PARD3: variants seen among roughly 807,000 people sequenced by gnomAD.
PARD3 encodes par-3 family cell polarity regulator, also known as partitioning defective 3 homolog.
A neutral mutation model predicts 155.4 loss-of-function variants in PARD3; 75 were observed. That is an observed-to-expected ratio of 0.48 (90% CI 0.40 to 0.58). The LOEUF (loss-of-function observed/expected upper bound fraction) is 0.58. Ranked by LOEUF, PARD3 falls within the 20% of genes least tolerant of loss-of-function variation. The pLI is 0.00. For missense variants in PARD3, 1,642 were observed against 1,721.7 expected, an observed-to-expected ratio of 0.95 and a Z score of 0.82; for synonymous variants, 576 against 610.5, an observed-to-expected ratio of 0.94 and a Z score of 0.83.
At chr10:34,409,728 G>T (rs1463931236) in intron 5 of PARD3, among the ~76,000 whole-genome samples, 2 of 152,010 alleles carry the variant, frequency 1.3e-5, no homozygotes, top group African/African-American at 4.8e-5. Flanking sequence ...TTTCAGAAGT[G>T]GCTTGCTTAC....
intron 5 of PARD3, among the ~76,000 whole-genome samples, chr10:34,412,640 T>C (rs12267294): frequency 0.11 from 16,274 of 152,242 alleles, 1,366 homozygotes; most frequent in African/African-American, 0.24. Flanking sequence ...ATCGTTTCAT[T>C]AGATTTAATA....
At chr10:34,439,680 C>T (rs531440012) in intron 5 of PARD3, among the ~76,000 whole-genome samples, 2 of 151,982 alleles carry the variant, frequency 1.3e-5, no homozygotes, top group Admixed American at 6.5e-5. Flanking sequence ...TGGTCTCAAA[C>T]GCCTGACCTC....
chr10:34,440,365 G>A (rs1339038856), intron 5 of PARD3, among the ~76,000 whole-genome samples: 1 of 152,138 alleles, frequency 6.6e-6, no homozygotes, highest in East Asian at 1.9e-4. Flanking sequence ...AGATGGGTGG[G>A]AATAAAGAGA....
At chr10:34,432,643 G>C (rs1324324266) in intron 5 of PARD3, among the ~76,000 whole-genome samples, 1 of 152,134 alleles carries the variant, frequency 6.6e-6, no homozygotes, top group Non-Finnish European at 1.5e-5. Context: ...AGAACTGGCA[G>C]TTTCAAGTCA....
At chr10:34,227,605 G>A (rs544403999) in intron 22 of PARD3, among the ~76,000 whole-genome samples, 8 of 152,072 alleles carry the variant, frequency 5.3e-5, no homozygotes, top group Admixed American at 1.3e-4. Context: ...GCCATTGCAC[G>A]CCAGCCTGGG....
At chr10:34,116,405 C>T (rs779175589) in intron 24 of PARD3, among the ~76,000 whole-genome samples, 12 of 152,180 alleles carry the variant, frequency 7.9e-5, no homozygotes, top group Admixed American at 3.3e-4. Context: ...TGTCAACATC[C>T]GAAAAGCAGA....
chr10:34,430,593 C>T (rs1316200306), intron 5 of PARD3, among the ~76,000 whole-genome samples: 2 of 152,140 alleles, frequency 1.3e-5, no homozygotes, highest in African/African-American at 2.4e-5. Context: ...TCCATGAAAT[C>T]GGTTCTATCA....
At chr10:34,202,027 G>A (rs916129558) in intron 22 of PARD3, 7 of 152,136 alleles carry the variant, frequency 4.6e-5, no homozygotes, top group Non-Finnish European at 2.9e-5. Context: ...CAACTTTTGT[G>A]ACACTAACAT....
At chr10:34,573,730 AACAAAAACACACACACACAC>A (rs1331087969) in intron 2 of PARD3, among the ~76,000 whole-genome samples, 22 of 36,346 alleles carry the variant, frequency 6.1e-4, no homozygotes, top group African/African-American at 1.9e-3. Context: ...CAAACAAACA[AACAAAAACACACACACACAC>A]ACACACACAC....
At chr10:34,350,657 A>C in intron 14 of PARD3, among the ~76,000 whole-genome samples, 1 of 151,606 alleles carries the variant, frequency 6.6e-6, no homozygotes, top group African/African-American at 2.4e-5. Flanking sequence ...GGGTGGTAGA[A>C]TTAAGCTTCA....
intron 20 of PARD3, among the ~76,000 whole-genome samples, chr10:34,307,243 C>T (rs908867139): frequency 3.3e-5 from 5 of 152,204 alleles, no homozygotes; most frequent in African/African-American, 7.2e-5. Flanking sequence ...GATTTAATCA[C>T]AAGCAGACCC....
chr10:34,512,546 C>T (rs2081463539), intron 3 of PARD3, among the ~76,000 whole-genome samples: 1 of 152,148 alleles, frequency 6.6e-6, no homozygotes, highest in South Asian at 2.1e-4. Context: ...AGGCATTTCT[C>T]TAAGAAGCTC....
intron 5 of PARD3, among the ~76,000 whole-genome samples, chr10:34,419,503 C>A (rs909764374): frequency 6.6e-6 from 1 of 151,598 alleles, no homozygotes; most frequent in African/African-American, 2.4e-5. Flanking sequence ...GGTGACAGAG[C>A]AAGACTCCGT....
At chr10:34,232,018 C>T (rs1952960150) in intron 22 of PARD3, among the ~76,000 whole-genome samples, 2 of 152,048 alleles carry the variant, frequency 1.3e-5, no homozygotes, top group Admixed American at 6.5e-5. Context: ...AAACACTCAG[C>T]GCTATGTTAG....
At chr10:34,631,575 C>T (rs1295158803) in intron 2 of PARD3, among the ~76,000 whole-genome samples, 1 of 152,142 alleles carries the variant, frequency 6.6e-6, no homozygotes, top group Non-Finnish European at 1.5e-5. Flanking sequence ...TCCTAAATTG[C>T]TCTAATTTCA....
intron 1 of PARD3, among the ~76,000 whole-genome samples, chr10:34,755,724 G>A (rs1329352233): frequency 6.6e-6 from 1 of 152,054 alleles, no homozygotes; most frequent in Non-Finnish European, 1.5e-5. Flanking sequence ...ATTGAGATGA[G>A]GAATGGGAAA....
intron 22 of PARD3, among the ~76,000 whole-genome samples, chr10:34,187,678 C>T (rs1233276324): frequency 2.6e-5 from 4 of 152,190 alleles, no homozygotes; most frequent in Admixed American, 2.0e-4. Context: ...GATCTCCTCA[C>T]GTTTTACGGC....
chr10:34,195,872 C>T (rs1950910904), intron 22 of PARD3, among the ~76,000 whole-genome samples: 1 of 152,168 alleles, frequency 6.6e-6, no homozygotes, highest in Non-Finnish European at 1.5e-5. Context: ...TTAACCATTA[C>T]CTCAAACCTT....
chr10:34,430,952 GT>G (rs2075868463), intron 5 of PARD3, among the ~76,000 whole-genome samples: 1 of 152,240 alleles, frequency 6.6e-6, no homozygotes, highest in East Asian at 1.9e-4. Context: ...TGTAGGTCAT[GT>G]GATAAAAACT....
Sources: gnomAD v4.1 joint callset for allele counts (sites outside exome capture counted in the v4.1 genomes callset) on GRCh38, gnomAD v4.1.1 for gene constraint, MANE v1.5 for transcripts, NCBI Gene and HGNC (gene_info 2026-07-23, HGNC 2026-07-21) for gene names.